Variants in ZFHX3 observed in about 807,000 individuals in gnomAD.
ZFHX3 encodes zinc finger homeobox 3.
In ZFHX3, 42 loss-of-function variants were observed where a neutral mutation model predicts 279.1. The observed-to-expected ratio is 0.15, with a 90% CI of 0.12 to 0.19. The LOEUF (loss-of-function observed/expected upper bound fraction) is 0.19, where lower values mean the gene tolerates loss of function less well. Ranked by LOEUF, ZFHX3 falls within the 10% of genes least tolerant of loss-of-function variation. The pLI, the probability that ZFHX3 is intolerant of heterozygous loss-of-function variation, is 1.00. For synonymous variants in ZFHX3, 2,293 were observed against 1,957.8 expected, an observed-to-expected ratio of 1.17 and a Z score of -4.52; for missense variants, 4,981 against 4,754.0, an observed-to-expected ratio of 1.05 and a Z score of -1.40.
intron 1 of ZFHX3, among the ~76,000 whole-genome samples, chr16:73,761,879 G>A (rs187783887): frequency 1.6e-4 from 25 of 151,916 alleles, no homozygotes; most frequent in East Asian, 3.9e-4. Flanking sequence ...CCATAAAAAC[G>A]CTAGAAAAAA....
chr16:73,099,565 G>T (rs1362382935), intron 7 of ZFHX3, among the ~76,000 whole-genome samples: 1 of 151,986 alleles, frequency 6.6e-6, no homozygotes, highest in East Asian at 1.9e-4. Flanking sequence ...ACAAAAATTA[G>T]CTGGGTGTGG....
chr16:72,970,251 T>C (rs1962044305), intron 1 of ZFHX3, among the ~76,000 whole-genome samples: 1 of 151,856 alleles, frequency 6.6e-6, no homozygotes, highest in Non-Finnish European at 1.5e-5. Flanking sequence ...TACTCAGAGT[T>C]CAACCACCAT....
chr16:73,576,571 C>A (rs1182666399), intron 2 of ZFHX3, among the ~76,000 whole-genome samples: 1 of 152,126 alleles, frequency 6.6e-6, no homozygotes, highest in Non-Finnish European at 1.5e-5. Context: ...AAGTAAAAGT[C>A]TTTTAAAGGT....
chr16:72,927,810 G>C (rs544074291), intron 3 of ZFHX3, among the ~76,000 whole-genome samples: 1 of 152,190 alleles, frequency 6.6e-6, no homozygotes, highest in East Asian at 2.0e-4. Flanking sequence ...AAGCCTTTGA[G>C]TGGCTCATGT....
At chr16:72,868,674 C>A (rs2038082460) in intron 4 of ZFHX3, among the ~76,000 whole-genome samples, 1 of 152,216 alleles carries the variant, frequency 6.6e-6, no homozygotes, top group Admixed American at 6.5e-5. Context: ...CTTCAGTTTT[C>A]AGGGTCCACA....
At chr16:73,696,565 C>T (rs1274433035) in intron 1 of ZFHX3, among the ~76,000 whole-genome samples, 1 of 152,226 alleles carries the variant, frequency 6.6e-6, no homozygotes, top group Non-Finnish European at 1.5e-5. Context: ...GCTCTTCATA[C>T]AATTTGGAGG....
chr16:73,830,383 G>A lies in ZFHX3; in HGVS notation c.-1608+61268C>T, dbSNP rs528774656. Among the ~76,000 whole-genome samples the A allele has an allele frequency of 5.2e-3, 796 of 151,946 alleles. 5 individuals carry two copies. The highest frequency in any genetic ancestry group is 9.1e-3 in the Non-Finnish European group (616 of 67,976). ...CCGTCTTCTGCGTCGCTCACGCTGG[G>A]AGCTGTAGACCGGAGCTGTTCCTAT... On this transcript the variant is annotated intron_variant, in intron 1 of 17. Coordinates refer to the ZFHX3 transcript ENST00000641206.
At chr16:73,196,992 C>G (rs1968162143) in intron 5 of ZFHX3, among the ~76,000 whole-genome samples, 1 of 152,104 alleles carries the variant, frequency 6.6e-6, no homozygotes, top group African/African-American at 2.4e-5. Context: ...ACTTGGAACA[C>G]CACCAGCAAC....
intron 1 of ZFHX3, among the ~76,000 whole-genome samples, chr16:73,004,319 ATCTTT>A (rs1963624793): frequency 9.6e-6 from 1 of 103,904 alleles, no homozygotes. Context: ...GTATGCATCA[ATCTTT>A]TTTTTTTTTT....
chr16:73,172,746 T>C (rs1008250920), intron 5 of ZFHX3, among the ~76,000 whole-genome samples: 3 of 152,152 alleles, frequency 2.0e-5, no homozygotes, highest in African/African-American at 7.2e-5. Context: ...CCAAAACACA[T>C]ATCATTAGCT....
At chr16:72,825,070 G>A (rs758654051) in intron 5 of ZFHX3, among the ~76,000 whole-genome samples, 6 of 152,240 alleles carry the variant, frequency 3.9e-5, no homozygotes, top group Non-Finnish European at 7.3e-5. Context: ...CTCTCAGGCG[G>A]TTGGGACTAG....
intron 4 of ZFHX3, among the ~76,000 whole-genome samples, chr16:73,299,459 A>G (rs1386178507): frequency 1.3e-5 from 2 of 152,214 alleles, no homozygotes; most frequent in African/African-American, 4.8e-5. Flanking sequence ...CTGGGGAAGC[A>G]GGGGTTAACC....
intron 2 of ZFHX3, chr16:73,483,417 G>C (rs894044707): frequency 6.6e-6 from 3 of 455,268 alleles, no homozygotes; most frequent in African/African-American, 6.0e-5. Context: ...AGGGCTGGAA[G>C]AAAAGATGAG....
chr16:73,636,754 G>T (rs116727039), intron 2 of ZFHX3, among the ~76,000 whole-genome samples: 4 of 152,052 alleles, frequency 2.6e-5, no homozygotes, highest in Non-Finnish European at 5.9e-5. Flanking sequence ...ATAAAGGAAG[G>T]TTTAAAAAGA....
In ZFHX3 at chr16:72,989,829, G is replaced by A. The variant is rs528608298; in HGVS notation, c.-49-29635C>T. Among the ~76,000 whole-genome samples the A allele has an allele frequency of 2.0e-5, 3 of 152,326 alleles. No homozygotes were observed. In the South Asian group the frequency reaches 6.2e-4, roughly 32 times the overall value. ...CAAATTATATGTTAATTATGCGGAC[G>A]CAGAGTTATATGTGGGGAAGTGGTG... is the stretch of plus-strand genomic sequence containing the variant. On this transcript the variant is annotated intron_variant, in intron 1 of 9. Transcript: ENST00000268489.
intron 3 of ZFHX3, among the ~76,000 whole-genome samples, chr16:72,925,468 A>G (rs1308956243): frequency 1.3e-5 from 2 of 152,268 alleles, no homozygotes; most frequent in Non-Finnish European, 2.9e-5. Context: ...GGCATGTCAC[A>G]GGTCAGGCTA....
intron 1 of ZFHX3, among the ~76,000 whole-genome samples, chr16:73,874,260 T>G (rs1273054391): frequency 1.3e-5 from 2 of 152,142 alleles, no homozygotes; most frequent in Non-Finnish European, 1.5e-5. Flanking sequence ...CGGTAAAAAT[T>G]TATTGCACTG....
At chr16:73,597,692 G>T (rs992273621) in intron 2 of ZFHX3, among the ~76,000 whole-genome samples, 2 of 152,160 alleles carry the variant, frequency 1.3e-5, no homozygotes, top group Non-Finnish European at 1.5e-5. Flanking sequence ...AAGAGCTAGG[G>T]GACAAGCATG....
At chr16:73,407,913 A>T (rs2017392973) in intron 3 of ZFHX3, among the ~76,000 whole-genome samples, 1 of 151,764 alleles carries the variant, frequency 6.6e-6, no homozygotes, top group Non-Finnish European at 1.5e-5. Flanking sequence ...ATCAATTCCT[A>T]CCCCAACCTC....
Sources: gnomAD v4.1 joint callset for allele counts (sites outside exome capture counted in the v4.1 genomes callset) on GRCh38, gnomAD v4.1.1 for gene constraint, MANE v1.5 for transcripts, NCBI Gene and HGNC (gene_info 2026-07-23, HGNC 2026-07-21) for gene names.